The following CTNNA3 variants were observed in gnomAD, a reference collection of about 807,000 sequenced individuals.
CTNNA3 encodes the protein catenin alpha-3.
Under a neutral mutation model 95.7 loss-of-function variants are expected in CTNNA3, and 76 were observed. The observed-to-expected ratio is 0.79, with a 90% CI of 0.66 to 0.96. CTNNA3 has a LOEUF of 0.96. CTNNA3 is among the 40% of genes least tolerant of loss of function. The probability of loss-of-function intolerance (pLI) is 0.00; values close to 1 mark genes in which losing one functional copy is unlikely to be tolerated. For synonymous variants in CTNNA3, 431 were observed against 374.4 expected, an observed-to-expected ratio of 1.15 and a Z score of -1.74; for missense variants, 1,191 against 1,089.8, an observed-to-expected ratio of 1.09 and a Z score of -1.31.
Position 66,927,106 on chromosome 10 carries a change from T to C in CTNNA3, c.1048-151582A>G, listed in dbSNP as rs1847126275. 1.2e-6 allele frequency: 2 copies of C among 1,614,210 alleles called. No homozygotes were observed. The highest frequency in any genetic ancestry group is 1.7e-6 in the Non-Finnish European group (2 of 1,180,046). On this transcript the variant is annotated intron_variant, in intron 7 of 17. Transcript: ENST00000433211. This position sits in a 1 kb window ranked among gnomAD's most constrained non-coding sequence, Gnocchi z 4.7. Reference sequence around the variant, plus strand: ...ACCCTCAAGTATATCTGCTGGTTGCTTAGGTTTGTCCCTTCGCTATAACAG... The same window carrying C: ...ACCCTCAAGTATATCTGCTGGTTGCCTAGGTTTGTCCCTTCGCTATAACAG...
At chr10:66,085,726 C>T (rs771698952) in intron 14 of CTNNA3, among the ~76,000 whole-genome samples, 1 of 152,074 alleles carries the variant, frequency 6.6e-6, no homozygotes, top group Non-Finnish European at 1.5e-5. Context: ...CTACAGCATT[C>T]GTAATTCTCC....
intron 12 of CTNNA3, among the ~76,000 whole-genome samples, chr10:66,351,274 C>A (rs1299689684): frequency 6.6e-6 from 1 of 151,958 alleles, no homozygotes; most frequent in Non-Finnish European, 1.5e-5. Context: ...CTATTTCATT[C>A]AATATGTAGA....
chr10:66,701,978 A>G (rs1476634313), intron 9 of CTNNA3, among the ~76,000 whole-genome samples: 1 of 152,172 alleles, frequency 6.6e-6, no homozygotes, highest in East Asian at 1.9e-4. Context: ...TCAGAAGGCA[A>G]GTGTCAACAT....
intron 15 of CTNNA3, among the ~76,000 whole-genome samples, chr10:66,045,507 AT>A (rs1589288733): frequency 1.3e-5 from 2 of 152,318 alleles, no homozygotes; most frequent in Admixed American, 1.3e-4. Context: ...GTAGAAATAT[AT>A]TTATTTACTT....
intron 7 of CTNNA3, among the ~76,000 whole-genome samples, chr10:66,827,647 T>A (rs1357798164): frequency 6.6e-6 from 1 of 152,202 alleles, no homozygotes; most frequent in African/African-American, 2.4e-5. Flanking sequence ...ATATTTCAAA[T>A]GGCATTGTGA....
intron 5 of CTNNA3, among the ~76,000 whole-genome samples, chr10:67,486,846 G>T (rs75719082): frequency 0.017 from 2,591 of 152,172 alleles, 78 homozygotes; most frequent in African/African-American, 0.057. Flanking sequence ...TCTTCTAAGG[G>T]TTAAGTAAAT....
At chr10:67,726,561 A>ATATTAC (rs1564841287) in intron 1 of CTNNA3, among the ~76,000 whole-genome samples, 761 of 71,712 alleles carry the variant, frequency 0.011, 4 homozygotes, top group African/African-American at 0.018. Flanking sequence ...TATATAATAT[A>ATATTAC]ATATATATTA....
At chr10:67,136,996 C>T (rs961374502) in intron 7 of CTNNA3, among the ~76,000 whole-genome samples, 1 of 152,170 alleles carries the variant, frequency 6.6e-6, no homozygotes, top group African/African-American at 2.4e-5. Context: ...TAAACTCCAA[C>T]ATCAGAGTAG....
chr10:67,347,248 G>T (rs1842457585), intron 5 of CTNNA3, among the ~76,000 whole-genome samples: 1 of 151,772 alleles, frequency 6.6e-6, no homozygotes, highest in African/African-American at 2.4e-5. Context: ...GTTTTTTGTA[G>T]AGATGGGGTT....
At chr10:66,436,637 T>C (rs189259245) in intron 11 of CTNNA3, among the ~76,000 whole-genome samples, 152 of 152,036 alleles carry the variant, frequency 1.0e-3, no homozygotes, top group Non-Finnish European at 1.8e-3. Context: ...GTCTTGACTC[T>C]TTATCCAATT....
rs2091513677 is a variant in CTNNA3 at position 66,282,636 on chromosome 10, A to T, written c.1733-2015T>A. Among the ~76,000 whole-genome samples the T allele has an allele frequency of 4.6e-5, 7 of 151,772 alleles. No individual in the cohort carries two copies. In the Admixed American group the frequency reaches 4.6e-4, roughly 10 times the overall value. On this transcript the variant is annotated intron_variant, in intron 12 of 17. Coordinates refer to ENST00000433211, the MANE Select transcript of CTNNA3 (RefSeq NM_013266.4). The stretch of plus-strand genomic sequence containing the variant: ...ATCATCATCTACTATTTCCATCCAC[A>T]GCATAGTTCTTCCCATGTCTAAATT...
Position 67,453,432 on chromosome 10 carries a change from A to C in CTNNA3, c.579+68410T>G, listed in dbSNP as rs558363983. Among the ~76,000 whole-genome samples the C allele has an allele frequency of 4.6e-5, 7 of 152,244 alleles. No homozygotes were observed. In the South Asian group the frequency reaches 1.5e-3, roughly 32 times the overall value. On this transcript the variant is annotated intron_variant, in intron 5 of 17. Transcript: ENST00000433211. ...TTATTTCTGAAAATATAAGGTACTA[A>C]CTCTGTGGGAAACTTTCCAAGGTTT...
chr10:66,239,050 G>A (rs1467767879), intron 13 of CTNNA3, among the ~76,000 whole-genome samples: 2 of 151,670 alleles, frequency 1.3e-5, no homozygotes, highest in African/African-American at 2.4e-5. Context: ...TCTATCAGAA[G>A]TATATAATAT....
At chr10:65,931,545 G>A (rs1400991337) in intron 17 of CTNNA3, among the ~76,000 whole-genome samples, 2 of 121,798 alleles carry the variant, frequency 1.6e-5, no homozygotes, top group Admixed American at 1.7e-4. Context: ...CATAGAATAT[G>A]TCAGGTGTAA....
chr10:66,901,443 A>C (rs1220020592), intron 7 of CTNNA3, among the ~76,000 whole-genome samples: 1 of 152,200 alleles, frequency 6.6e-6, no homozygotes, highest in African/African-American at 2.4e-5. Flanking sequence ...TAAAGACCAT[A>C]GATGCTATGA....
intron 10 of CTNNA3, among the ~76,000 whole-genome samples, chr10:66,542,455 C>T (rs1841889093): frequency 6.6e-6 from 1 of 152,072 alleles, no homozygotes; most frequent in South Asian, 2.1e-4. Context: ...TTTATTGTGG[C>T]ACTACTCACA....
At chr10:66,343,097 G>A (rs2092469837) in intron 12 of CTNNA3, among the ~76,000 whole-genome samples, 1 of 151,962 alleles carries the variant, frequency 6.6e-6, no homozygotes, top group Non-Finnish European at 1.5e-5. Context: ...TCTCAATGTG[G>A]AGAAAAAGGA....
At chr10:66,432,741 G>A (rs1321628725) in intron 11 of CTNNA3, among the ~76,000 whole-genome samples, 2 of 151,594 alleles carry the variant, frequency 1.3e-5, no homozygotes, top group African/African-American at 4.8e-5. Flanking sequence ...TGACATGGTT[G>A]TTTGATGCAC....
intron 10 of CTNNA3, among the ~76,000 whole-genome samples, chr10:66,593,207 G>A (rs1159467028): frequency 6.6e-6 from 1 of 152,086 alleles, no homozygotes; most frequent in African/African-American, 2.4e-5. Context: ...ACCAATACTG[G>A]TGTGTTGGTG....
Sources: allele counts gnomAD v4.1 joint callset (sites outside exome capture counted in the v4.1 genomes callset), GRCh38; gene constraint gnomAD v4.1.1; non-coding constraint Gnocchi (gnomAD v3.1); transcripts MANE v1.5; gene names NCBI Gene and HGNC (gene_info 2026-07-23, HGNC 2026-07-21).